The following SEMA6D variants were observed in gnomAD, a reference collection of about 807,000 sequenced individuals.
The protein encoded by SEMA6D is semaphorin-6D.
SEMA6D carries 35 observed loss-of-function variants against 106.6 expected under a neutral mutation model. That is an observed-to-expected ratio of 0.33 (90% CI 0.25 to 0.44). The LOEUF (loss-of-function observed/expected upper bound fraction) is 0.44, where lower values mean the gene tolerates loss of function less well. Ranked by LOEUF, SEMA6D falls within the 20% of genes least tolerant of loss-of-function variation. The pLI is 1.00. For missense variants in SEMA6D, 1,185 were observed against 1,345.9 expected, an observed-to-expected ratio of 0.88 and a Z score of 1.87; for synonymous variants, 499 against 487.7, an observed-to-expected ratio of 1.02 and a Z score of -0.31.
intron 1 of SEMA6D, among the ~76,000 whole-genome samples, chr15:47,251,912 T>TA (rs1412515761): frequency 8.6e-5 from 11 of 128,418 alleles, no homozygotes; most frequent in African/African-American, 1.8e-4. Flanking sequence ...ATTGGATTTT[T>TA]TTTTTTTTTT....
At chr15:47,339,103 C>A (rs893308677) in intron 1 of SEMA6D, 1 of 152,208 alleles carries the variant, frequency 6.6e-6, no homozygotes, top group Admixed American at 6.5e-5. Flanking sequence ...TAGCTGAACA[C>A]GTGGAGGTTC....
At chr15:47,302,340 T>C in intron 1 of SEMA6D, among the ~76,000 whole-genome samples, 1 of 152,196 alleles carries the variant, frequency 6.6e-6, no homozygotes, top group South Asian at 2.1e-4. Flanking sequence ...AGTTTTGCAG[T>C]GACTAATGCA....
intron 4 of SEMA6D, among the ~76,000 whole-genome samples, chr15:47,669,281 T>G (rs192406102): frequency 6.6e-6 from 1 of 152,366 alleles, no homozygotes; most frequent in Admixed American, 6.5e-5. Context: ...CATATACATC[T>G]TTATCTCAGC....
intron 1 of SEMA6D, among the ~76,000 whole-genome samples, chr15:47,352,362 C>G (rs188908222): frequency 6.6e-6 from 1 of 152,072 alleles, no homozygotes; most frequent in Non-Finnish European, 1.5e-5. Flanking sequence ...TATCTAGAGA[C>G]GAATAACCTT....
chr15:47,218,659 A>C (rs1012797225), intron 1 of SEMA6D, among the ~76,000 whole-genome samples: 5 of 152,232 alleles, frequency 3.3e-5, no homozygotes, highest in Non-Finnish European at 5.9e-5. Context: ...TATGATAGCC[A>C]AAGCAAAGTA....
intron 1 of SEMA6D, among the ~76,000 whole-genome samples, chr15:47,744,136 G>C (rs2080980754): frequency 6.6e-6 from 1 of 152,180 alleles, no homozygotes; most frequent in Admixed American, 6.5e-5. Context: ...CATGACTTCT[G>C]TTCTCCTGAA....
At chr15:47,644,040 A>G (rs1221692895) in intron 4 of SEMA6D, among the ~76,000 whole-genome samples, 2 of 152,160 alleles carry the variant, frequency 1.3e-5, no homozygotes, top group Non-Finnish European at 2.9e-5. Flanking sequence ...AGTAAGCTGC[A>G]TCCCTGGCTA....
chr15:47,487,709 A>T (rs778627167), intron 3 of SEMA6D, among the ~76,000 whole-genome samples: 8 of 152,138 alleles, frequency 5.3e-5, no homozygotes, highest in Non-Finnish European at 1.2e-4. Context: ...ATTTATAGAT[A>T]TTTAGCTTGT....
chr15:47,399,305 C>T (rs2040320793), intron 1 of SEMA6D: 1 of 152,186 alleles, frequency 6.6e-6, no homozygotes, highest in South Asian at 2.1e-4. Flanking sequence ...CATGACAGCT[C>T]AGCTCCCAAC....
intron 1 of SEMA6D, among the ~76,000 whole-genome samples, chr15:47,266,761 A>G (rs1043821087): frequency 6.6e-6 from 1 of 152,188 alleles, no homozygotes; most frequent in Middle Eastern, 3.4e-3. Context: ...GTGGGAGCCT[A>G]TGTTCTTAGA....
chr15:47,251,259 T>G (rs2033498767), intron 1 of SEMA6D, among the ~76,000 whole-genome samples: 2 of 152,204 alleles, frequency 1.3e-5, no homozygotes, highest in Non-Finnish European at 2.9e-5. Context: ...CATGAAGGTT[T>G]TCTTGCCTCT....
chr15:47,577,710 C>T (rs2076180357), intron 3 of SEMA6D, among the ~76,000 whole-genome samples: 1 of 152,186 alleles, frequency 6.6e-6, no homozygotes, highest in Admixed American at 6.5e-5. Flanking sequence ...TTAGTTTTTG[C>T]TTTCCCTCCC....
chr15:47,444,841 G>A (rs754784436), intron 2 of SEMA6D, among the ~76,000 whole-genome samples: 6 of 152,014 alleles, frequency 3.9e-5, no homozygotes, highest in African/African-American at 7.2e-5. Flanking sequence ...TTTGCCATCC[G>A]CAGATAGCTT....
At chr15:47,591,304 G>A (rs1206849372) in intron 3 of SEMA6D, among the ~76,000 whole-genome samples, 1 of 152,108 alleles carries the variant, frequency 6.6e-6, no homozygotes, top group Non-Finnish European at 1.5e-5. Flanking sequence ...TAATATTGTT[G>A]GATTGGGGAT....
At chr15:47,433,194 G>A (rs1032301998) in intron 2 of SEMA6D, among the ~76,000 whole-genome samples, 3 of 152,088 alleles carry the variant, frequency 2.0e-5, no homozygotes, top group Non-Finnish European at 2.9e-5. Flanking sequence ...TAATTATGTT[G>A]TTAATTTCTG....
At chr15:47,220,245 A>G (rs1225542519) in intron 1 of SEMA6D, among the ~76,000 whole-genome samples, 1 of 152,212 alleles carries the variant, frequency 6.6e-6, no homozygotes, top group East Asian at 1.9e-4. Flanking sequence ...CCTTTCTGCA[A>G]GCGATAAACC....
chr15:47,611,062 A>G (rs1282946710), intron 4 of SEMA6D, among the ~76,000 whole-genome samples: 1 of 152,076 alleles, frequency 6.6e-6, no homozygotes, highest in Non-Finnish European at 1.5e-5. Flanking sequence ...GAACATATGA[A>G]ATCCCAGCCT....
At chr15:47,266,778 C>A (rs1360919120) in intron 1 of SEMA6D, among the ~76,000 whole-genome samples, 3 of 152,060 alleles carry the variant, frequency 2.0e-5, no homozygotes, top group African/African-American at 7.2e-5. Context: ...TAGACATGCA[C>A]TGTCTGGATT....
intron 1 of SEMA6D, among the ~76,000 whole-genome samples, chr15:47,728,842 C>T (rs1374017045): frequency 6.6e-6 from 1 of 152,220 alleles, no homozygotes; most frequent in Non-Finnish European, 1.5e-5. Flanking sequence ...TTCTCCCTCT[C>T]CGACTCTTCT....
Sources: allele counts gnomAD v4.1 joint callset (sites outside exome capture counted in the v4.1 genomes callset), GRCh38; gene constraint gnomAD v4.1.1; transcripts MANE v1.5; gene names NCBI Gene and HGNC (gene_info 2026-07-23, HGNC 2026-07-21).